The following NLGN1 variants were observed in gnomAD, a reference collection of about 807,000 sequenced individuals.
NLGN1 encodes the protein neuroligin 1.
Under a neutral mutation model 65.5 loss-of-function variants are expected in NLGN1, and 12 were observed. The observed-to-expected ratio is 0.18, with a 90% confidence interval of 0.12 to 0.30. NLGN1 has a LOEUF of 0.30. Among genes scored for constraint, NLGN1 ranks in the 10% least tolerant of loss-of-function variants. The pLI, the probability that NLGN1 is intolerant of heterozygous loss-of-function variation, is 1.00. For missense variants in NLGN1, 750 were observed against 1,007.1 expected (o/e 0.74, Z 3.46); for synonymous variants, 350 against 359.5 (o/e 0.97, Z 0.30).
At chr3:173,861,521 T>TAC (rs1729079125) in intron 4 of NLGN1, among the ~76,000 whole-genome samples, 1 of 59,000 alleles carries the variant, frequency 1.7e-5, no homozygotes, top group Non-Finnish European at 3.3e-5. Context: ...GGCACGTGTG[T>TAC]GTGTGTGTGT....
chr3:173,643,514 C>A (rs2149597761), intron 3 of NLGN1, among the ~76,000 whole-genome samples: 1 of 152,182 alleles, frequency 6.6e-6, no homozygotes. Flanking sequence ...TAAGGGTGAG[C>A]AAAGTACTTC....
intron 2 of NLGN1, among the ~76,000 whole-genome samples, chr3:173,515,111 T>C (rs1346908936): frequency 6.6e-6 from 1 of 152,134 alleles, no homozygotes; most frequent in East Asian, 1.9e-4. Flanking sequence ...CCAGTTTACA[T>C]CCCTCCCAAC....
At chr3:173,663,806 T>G (rs1252690201) in intron 3 of NLGN1, among the ~76,000 whole-genome samples, 1 of 151,784 alleles carries the variant, frequency 6.6e-6, no homozygotes, top group African/African-American at 2.4e-5. Context: ...CACAGATATC[T>G]GAAAGTCACG....
intron 3 of NLGN1, among the ~76,000 whole-genome samples, chr3:173,755,988 C>A (rs962765936): frequency 2.0e-5 from 3 of 152,102 alleles, no homozygotes; most frequent in African/African-American, 7.2e-5. Flanking sequence ...CAAATGAAGG[C>A]ATTTTGCATT....
At chr3:174,167,986 TC>T (rs939140522) in intron 4 of NLGN1, among the ~76,000 whole-genome samples, 1 of 152,126 alleles carries the variant, frequency 6.6e-6, no homozygotes, top group African/African-American at 2.4e-5. Flanking sequence ...CTGTTTTTTT[TC>T]CAGTCTATTG....
intron 2 of NLGN1, among the ~76,000 whole-genome samples, chr3:173,524,979 G>T (rs1735384770): frequency 6.6e-6 from 1 of 152,124 alleles, no homozygotes; most frequent in Non-Finnish European, 1.5e-5. Flanking sequence ...CTAGTATTTT[G>T]TTGAGGATTT....
rs769729107 is a variant in NLGN1, at chr3:174,205,900, T to G, written c.647-69415T>G. Among the ~76,000 whole-genome samples the G allele has an allele frequency of 1.1e-4, 17 of 152,304 alleles. 1 individual carries two copies. Among genetic ancestry groups the G allele is most frequent in the Non-Finnish European group, 2.4e-4 (16 of 68,032 alleles). ...TTCTCGTGAGTATCACTGAAATAAC[T>G]ACATGTAAAGTGCTTCAATTCAGTG... On this transcript the variant is annotated intron_variant, in intron 4 of 6. Transcript: ENST00000457714.
At chr3:173,962,626 CA>C (rs1246018099) in intron 4 of NLGN1, among the ~76,000 whole-genome samples, 36 of 151,902 alleles carry the variant, frequency 2.4e-4, no homozygotes, top group African/African-American at 7.7e-4. Context: ...ATTTAGTTCC[CA>C]AAATTAAAGT....
chr3:173,484,104 A>G (rs181018677), intron 2 of NLGN1, among the ~76,000 whole-genome samples: 9 of 152,276 alleles, frequency 5.9e-5, no homozygotes, highest in African/African-American at 1.4e-4. Flanking sequence ...TAAATAATAT[A>G]GTATCACCAT....
At chr3:174,028,874 G>A (rs770015385) in intron 4 of NLGN1, among the ~76,000 whole-genome samples, 25 of 152,272 alleles carry the variant, frequency 1.6e-4, no homozygotes, top group Admixed American at 3.3e-4. Context: ...GGTTTTGTGG[G>A]CCAGGCCCAG....
chr3:174,071,554 C>A (rs952345624), intron 4 of NLGN1, among the ~76,000 whole-genome samples: 5 of 151,664 alleles, frequency 3.3e-5, no homozygotes, highest in African/African-American at 1.2e-4. Flanking sequence ...CATGAAAAAA[C>A]AATTAGCTGG....
chr3:173,926,538 C>T (rs1743035427), intron 4 of NLGN1, among the ~76,000 whole-genome samples: 1 of 152,146 alleles, frequency 6.6e-6, no homozygotes, highest in South Asian at 2.1e-4. Flanking sequence ...GTGTATACAT[C>T]CATGTATTTA....
intron 2 of NLGN1, among the ~76,000 whole-genome samples, chr3:173,448,357 A>G (rs1720789615): frequency 6.6e-6 from 1 of 152,104 alleles, no homozygotes; most frequent in African/African-American, 2.4e-5. Flanking sequence ...TATATGCTGG[A>G]TTACGTTTAT....
At chr3:173,946,718 T>G (rs1441539911) in intron 4 of NLGN1, among the ~76,000 whole-genome samples, 1 of 152,200 alleles carries the variant, frequency 6.6e-6, no homozygotes, top group African/African-American at 2.4e-5. Context: ...TGAAAGTCTC[T>G]TCCTATTCAC....
rs985195179 is a variant in NLGN1, at chr3:173,730,319, C to T, written c.494-77361C>T. ...GAGGTCTAACACACTACTGCCCCAC[C>T]GCTCCCCCCCCCCCGCAAAAATAGA... On this transcript the variant is annotated intron_variant, in intron 3 of 6. Coordinates refer to ENST00000457714, the Ensembl canonical transcript of NLGN1. 4.9e-4 allele frequency among the ~76,000 whole-genome samples: 20 copies of T among 40,656 alleles called. 1 individual carries two copies. Among genetic ancestry groups the T allele is most frequent in the African/African-American group, 1.2e-3 (17 of 14,724 alleles). The allele number at this position is 40,656 out of a possible 152,430, so 26.7% of individuals were successfully genotyped here.
chr3:173,510,582 G>T (rs142065561), intron 2 of NLGN1, among the ~76,000 whole-genome samples: 1 of 152,132 alleles, frequency 6.6e-6, no homozygotes, highest in Non-Finnish European at 1.5e-5. Context: ...ATTAATTATC[G>T]TATTGGCTCT....
intron 4 of NLGN1, chr3:174,180,764 G>A (rs1303440625): frequency 6.6e-6 from 1 of 151,958 alleles, no homozygotes; most frequent in African/African-American, 2.4e-5. Context: ...AAATGAGTAA[G>A]ATAAACATTT....
intron 4 of NLGN1, among the ~76,000 whole-genome samples, chr3:174,212,182 G>T (rs1445452151): frequency 6.6e-6 from 1 of 152,182 alleles, no homozygotes; most frequent in Non-Finnish European, 1.5e-5. Flanking sequence ...ACTGCTGGGG[G>T]ACCCAGTACA....
chr3:173,788,742 GC>G (rs1452817108), intron 3 of NLGN1, among the ~76,000 whole-genome samples: 3 of 148,726 alleles, frequency 2.0e-5, no homozygotes, highest in African/African-American at 7.4e-5. Context: ...GATCACTTGA[GC>G]CCAGGAGTTG....
Sources: gnomAD v4.1 joint callset for allele counts (sites outside exome capture counted in the v4.1 genomes callset) on GRCh38, gnomAD v4.1.1 for gene constraint, MANE v1.5 for transcripts, NCBI Gene and HGNC (gene_info 2026-07-23, HGNC 2026-07-21) for gene names.